Variants in CASR observed in about 807,000 individuals in gnomAD.
The protein encoded by CASR is extracellular calcium-sensing receptor.
CASR carries 23 observed loss-of-function variants against 69.1 expected under a neutral mutation model. The ratio of observed to expected loss-of-function variants is 0.33; its 90% CI spans 0.24 to 0.47. The LOEUF (loss-of-function observed/expected upper bound fraction) is 0.47, where lower values mean the gene tolerates loss of function less well. CASR is among the 20% of genes least tolerant of loss of function. CASR has a pLI of 1.00. For missense variants in CASR, 924 were observed against 1,356.1 expected (o/e 0.68, Z 5.00); for synonymous variants, 541 against 544.7 (o/e 0.99, Z 0.10).
At chr3:122,216,430 G>A (rs1400216861) in intron 1 of CASR, among the ~76,000 whole-genome samples, 1 of 152,154 alleles carries the variant, frequency 6.6e-6, no homozygotes, top group Non-Finnish European at 1.5e-5. Context: ...CTTCAGTCTG[G>A]GGTGTCTATG....
intron 1 of CASR, among the ~76,000 whole-genome samples, chr3:122,235,456 G>A (rs1362219287): frequency 6.6e-6 from 1 of 152,192 alleles, no homozygotes; most frequent in Non-Finnish European, 1.5e-5. Flanking sequence ...GGTTTCATAA[G>A]ATGTTAGCAG....
At chr3:122,197,047 T>C (rs2073898428) in intron 1 of CASR, among the ~76,000 whole-genome samples, 1 of 152,194 alleles carries the variant, frequency 6.6e-6, no homozygotes, top group Non-Finnish European at 1.5e-5. Context: ...ATGCTGTACA[T>C]TAGAGCACCA....
At chr3:122,189,600 C>G (rs1407069320) in intron 1 of CASR, among the ~76,000 whole-genome samples, 2 of 152,178 alleles carry the variant, frequency 1.3e-5, no homozygotes, top group African/African-American at 4.8e-5. Context: ...AGAGAGGAAA[C>G]TAATTTTAGC....
At chr3:122,223,774 C>G (rs985788258) in intron 1 of CASR, among the ~76,000 whole-genome samples, 1 of 151,996 alleles carries the variant, frequency 6.6e-6, no homozygotes, top group South Asian at 2.1e-4. Context: ...TGATGAACAT[C>G]GATGCAAAAA....
At chr3:122,252,455 AAAAG>A (rs1417836499) in intron 1 of CASR, among the ~76,000 whole-genome samples, 1 of 100,606 alleles carries the variant, frequency 9.9e-6, no homozygotes, top group Non-Finnish European at 2.0e-5. Flanking sequence ...GAAAAAAAAG[AAAAG>A]AAAGAAAAGA....
chr3:122,241,841 G>A (rs552389077), intron 1 of CASR, among the ~76,000 whole-genome samples: 1 of 152,108 alleles, frequency 6.6e-6, no homozygotes, highest in African/African-American at 2.4e-5. Flanking sequence ...ATGACCAAGT[G>A]GGATCTATCC....
At chr3:122,196,472 G>A (rs1361169367) in intron 1 of CASR, among the ~76,000 whole-genome samples, 1 of 151,982 alleles carries the variant, frequency 6.6e-6, no homozygotes, top group Non-Finnish European at 1.5e-5. Context: ...ATAATTTTTA[G>A]TTGACATTTA....
At chr3:122,199,827 C>A (rs1195994056) in intron 1 of CASR, among the ~76,000 whole-genome samples, 1 of 105,800 alleles carries the variant, frequency 9.5e-6, no homozygotes, top group East Asian at 2.1e-4. Flanking sequence ...CAGGACTATA[C>A]CGTGACTATA....
intron 1 of CASR, among the ~76,000 whole-genome samples, chr3:122,187,348 A>G (rs746619509): frequency 2.6e-5 from 4 of 152,214 alleles, no homozygotes; most frequent in Non-Finnish European, 5.9e-5. Context: ...AAAATCACCA[A>G]TTGCACTGAA....
chr3:122,248,307 C>T (rs970801510), intron 1 of CASR, among the ~76,000 whole-genome samples: 2 of 152,172 alleles, frequency 1.3e-5, no homozygotes, highest in Non-Finnish European at 2.9e-5. Flanking sequence ...TTGTGGATGT[C>T]TCTTCAGCAA....
At chr3:122,272,398 T>C (rs1333843855) in intron 4 of CASR, among the ~76,000 whole-genome samples, 2 of 152,174 alleles carry the variant, frequency 1.3e-5, no homozygotes, top group Non-Finnish European at 2.9e-5. Flanking sequence ...GAAATTGATC[T>C]CTTTACTGGC....
intron 1 of CASR, among the ~76,000 whole-genome samples, chr3:122,211,773 A>G (rs1193208392): frequency 7.2e-6 from 1 of 138,092 alleles, no homozygotes; most frequent in Admixed American, 7.9e-5. Context: ...ACACTTCTCA[A>G]AAGAAAACAT....
Position 122,261,658 on chromosome 3 carries a change from G to A in CASR, c.623G>A (p.Trp208Ter). The A allele has an allele frequency of 6.2e-7, 1 of 1,614,226 alleles. No individual in the cohort carries two copies. Among genetic ancestry groups the A allele is most frequent in the Non-Finnish European group, 8.5e-7 (1 of 1,180,038 alleles). Residue 208 changes from tryptophan (W) to a stop codon, truncating the protein, a stop_gained, in exon 4 of 7, where the codon TGG (tryptophan) becomes TAG (stop). Transcript: ENST00000639785. LOFTEE classifies it high-confidence loss of function. ...ATCATCGAGTATTTCCGCTGGAACT[G>A]GGTGGGCACAATTGCAGCTGATGAC... ...ADIIEYFRWN[W>*]VGTIAADDDY...
chr3:122,206,287 A>G (rs1383099314), intron 1 of CASR, among the ~76,000 whole-genome samples: 1 of 151,764 alleles, frequency 6.6e-6, no homozygotes, highest in African/African-American at 2.4e-5. Context: ...TTTATCATAA[A>G]GATACGTTGA....
At chr3:122,220,001 G>A (rs899562734) in intron 1 of CASR, among the ~76,000 whole-genome samples, 6 of 152,206 alleles carry the variant, frequency 3.9e-5, no homozygotes, top group Non-Finnish European at 8.8e-5. Flanking sequence ...CTCAGTTGCT[G>A]CTGTGTGGGT....
chr3:122,252,411 A>AGG (rs1559954262), intron 1 of CASR, among the ~76,000 whole-genome samples: 17 of 29,632 alleles, frequency 5.7e-4, no homozygotes, highest in East Asian at 3.5e-3. Flanking sequence ...AGGAAGGAAA[A>AGG]AGAAAGAAAG....
At chr3:122,193,705 T>C (rs191927839) in intron 1 of CASR, among the ~76,000 whole-genome samples, 21 of 152,352 alleles carry the variant, frequency 1.4e-4, no homozygotes, top group African/African-American at 3.6e-4. Flanking sequence ...ATTAGTCTTT[T>C]CAAATGTGTA....
chr3:122,190,502 A>G (rs948209948), intron 1 of CASR, among the ~76,000 whole-genome samples: 3 of 152,174 alleles, frequency 2.0e-5, no homozygotes, highest in African/African-American at 7.2e-5. Context: ...CAGGTTGTCC[A>G]ACCTCTCTAT....
chr3:122,272,180 G>C (rs975052154), intron 4 of CASR, among the ~76,000 whole-genome samples: 2 of 151,862 alleles, frequency 1.3e-5, no homozygotes, highest in Non-Finnish European at 2.9e-5. Flanking sequence ...TTAAGGAACT[G>C]CCAGACGTTT....
Sources: allele counts gnomAD v4.1 joint callset (sites outside exome capture counted in the v4.1 genomes callset), GRCh38; gene constraint gnomAD v4.1.1; transcripts MANE v1.5; gene names NCBI Gene and HGNC (gene_info 2026-07-23, HGNC 2026-07-21).